The following CYP4A11 variants were observed in gnomAD, a reference collection of about 807,000 sequenced individuals.
CYP4A11 encodes cytochrome P450 family 4 subfamily A member 11.
In CYP4A11, 52 loss-of-function variants were observed where a neutral mutation model predicts 57.7. The observed-to-expected ratio is 0.90, with a 90% CI of 0.72 to 1.14. The LOEUF is 1.14. Ranked by LOEUF, CYP4A11 falls within the 50% of genes most tolerant of loss-of-function variation. CYP4A11 has a pLI of 0.00. For synonymous variants in CYP4A11, 228 were observed against 247.1 expected, an observed-to-expected ratio of 0.92 and a Z score of 0.72; for missense variants, 641 against 642.1, an observed-to-expected ratio of 1.00 and a Z score of 0.02.
chr1:46,941,396 C>G lies in CYP4A11; in HGVS notation c.38G>C (p.Gly13Ala). ...CGCTTGGAGGATTCCAGAGACATCACCCAGGAGTCTGCTGGGGCTCAGCAC... is the reference window on the plus strand; with the variant it reads ...CGCTTGGAGGATTCCAGAGACATCAGCCAGGAGTCTGCTGGGGCTCAGCAC... ...VSVLSPSRLL[G>A]DVSGILQAAS... The change falls in exon 1 of 12, where the codon GGT (glycine) becomes GCT (alanine). Residue 13 changes from glycine (G) to alanine (A), a missense_variant. Coordinates refer to ENST00000310638, the MANE Select transcript of CYP4A11 (RefSeq NM_000778.4). The G allele has an allele frequency of 1.2e-6, 2 of 1,614,174 alleles. No individual in the cohort carries two copies. The highest frequency in any genetic ancestry group is 1.7e-6 in the Non-Finnish European group (2 of 1,180,020).
chr1:46,929,464 G>A lies in CYP4A11; in HGVS notation c.*651C>T, dbSNP rs1346771654. On this transcript the variant is annotated 3_prime_UTR_variant, in exon 12 of 12. Transcript: ENST00000310638. ...TAAGGATGGAGGCTGTGAAGGCCCCGAGCTCTGGAAGTGCAGATTATTTAT... is the reference window on the plus strand; with the variant it reads ...TAAGGATGGAGGCTGTGAAGGCCCCAAGCTCTGGAAGTGCAGATTATTTAT... 4 of 149,122 alleles carry A rather than the reference G, an allele frequency of 2.7e-5. No individual in the cohort carries two copies. Among genetic ancestry groups the A allele is most frequent in the East Asian group, 2.0e-4 (1 of 5,092 alleles). 9.2% of individuals were successfully genotyped at this position (149,122 alleles called of 1,614,324 possible). A position where few individuals can be genotyped will look rare whatever the true frequency, so the allele number is the denominator to read the frequency against.
At chr1:46,932,368 G>A (rs1681080438) in intron 11 of CYP4A11, 3 of 1,102,648 alleles carry the variant, frequency 2.7e-6, no homozygotes, top group South Asian at 2.7e-5. Flanking sequence ...GGATGTGTGG[G>A]GGGAGAGAAA....
chr1:46,935,173 A>T lies in CYP4A11; in HGVS notation c.636-19T>A. 1 of 1,610,678 alleles carries T rather than the reference A, an allele frequency of 6.2e-7. No homozygotes were observed. Among genetic ancestry groups the T allele is most frequent in the Non-Finnish European group, 8.5e-7 (1 of 1,177,602 alleles). On this transcript the variant is annotated intron_variant, in intron 5 of 11. Coordinates refer to ENST00000310638, the MANE Select transcript of CYP4A11 (RefSeq NM_000778.4). ...AGAATTCCTGAGGGAGAGTATGAAG[A>T]AGGGACTGCAGTAGGGGTGGGCCCA...
rs1440588567 is a variant in CYP4A11, at chr1:46,933,022, A to G, written c.1248T>C (p.Tyr416=). 3.7e-6 allele frequency: 6 copies of G among 1,614,224 alleles called. No individual in the cohort carries two copies. The highest frequency in any genetic ancestry group is 1.6e-4 in the Middle Eastern group (1 of 6,062). ...ACACTTTTGGGTTGTGGTGAAGGCC[A>G]TAAATGGAGAGGAGGACCATGATAC... ...PKGIMVLLSI[Y]GLHHNPKVWP... The change falls in exon 10 of 12, where the codon TAT becomes TAC. Residue 416 remains tyrosine, a synonymous_variant. Coordinates refer to ENST00000310638, the MANE Select transcript of CYP4A11 (RefSeq NM_000778.4).
chr1:46,932,101 T>C (rs1272898034), intron 11 of CYP4A11: 18 of 981,400 alleles, frequency 1.8e-5, no homozygotes, highest in Non-Finnish European at 2.2e-5. Flanking sequence ...ACAGAATTTG[T>C]CAAACGGGAA....
rs551945063 is a variant in CYP4A11 at position 46,929,840 on chromosome 1, T to C, written c.*275A>G. 7 of 391,440 alleles carry C rather than the reference T, an allele frequency of 1.8e-5. No individual in the cohort carries two copies. In the East Asian group the frequency reaches 2.8e-4, roughly 16 times the overall value. 24.2% of individuals were successfully genotyped at this position (391,440 alleles called of 1,614,324 possible). On this transcript the variant is annotated 3_prime_UTR_variant, in exon 12 of 12. Coordinates refer to ENST00000310638, the MANE Select transcript of CYP4A11 (RefSeq NM_000778.4). ...TTTAGACCCTGGATCCTGGACATGA[T>C]CCAAGACTCTTTTACATTATGTCAG...
intron 11 of CYP4A11, 189 bp downstream of exon 11, chr1:46,932,572 G>T (rs1557548531): frequency 4.1e-6 from 6 of 1,478,530 alleles, no homozygotes; most frequent in East Asian, 2.4e-5. Flanking sequence ...TCTCCATGGG[G>T]TGCTCTGAAT....
chr1:46,930,008 C>G lies in CYP4A11; in HGVS notation c.*107G>C. ...GAAGGGCAGGCAGACTGGGGGACAG[C>G]AGGCAGGTGGGAAGAAGGGAAGGTG... On this transcript the variant is annotated 3_prime_UTR_variant, in exon 12 of 12. Transcript: ENST00000310638. The G allele has an allele frequency of 7.3e-7, 1 of 1,372,058 alleles. No homozygotes were observed. The highest frequency in any genetic ancestry group is 9.8e-7 in the Non-Finnish European group (1 of 1,022,568). The allele number at this position is 1,372,058 out of a possible 1,614,324, so 85.0% of individuals were successfully genotyped here. A position where few individuals can be genotyped will look rare whatever the true frequency, so the allele number is the denominator to read the frequency against.
chr1:46,932,302 A>G (rs940230430), intron 11 of CYP4A11: 2 of 1,018,664 alleles, frequency 2.0e-6, no homozygotes, highest in African/African-American at 3.4e-5. Context: ...GACTTCAATG[A>G]TTCATCTCTA....
chr1:46,932,462 A>G (rs1281281817), intron 11 of CYP4A11: 6 of 1,230,266 alleles, frequency 4.9e-6, no homozygotes, highest in Non-Finnish European at 5.1e-6. Context: ...TTGAGAATTC[A>G]TATCCTTAAA....
chr1:46,934,002 A>G lies in CYP4A11; in HGVS notation c.1166T>C (p.Ile389Thr), dbSNP rs1359618339. 5.0e-6 allele frequency: 8 copies of G among 1,613,916 alleles called. No homozygotes were observed. The highest frequency in any genetic ancestry group is 6.8e-6 in the Non-Finnish European group (8 of 1,180,004). The change falls in exon 9 of 12, where the codon ATT (isoleucine) becomes ACT (threonine). Residue 389 changes from isoleucine (I) to threonine (T), a missense_variant. Physicochemically the swap from Ile to Thr is moderately conservative, Grantham distance 89. Transcript: ENST00000310638. ...ALRLYPPVPGIGRELSTPVTF... is the reference protein window; with the variant it reads ...ALRLYPPVPGTGRELSTPVTF... ...GACGGGAGTGCTGAGCTCTCTGCCA[A>G]TGCCTGGCACCGGTGGGTAGAGCCT... is the stretch of plus-strand genomic sequence containing the variant.
chr1:46,931,640 G>A (rs376254750), intron 11 of CYP4A11: 78 of 678,722 alleles, frequency 1.1e-4, no homozygotes, highest in East Asian at 2.7e-4. Context: ...TAGTGGCAGC[G>A]ACATGATTTG....
At chr1:46,934,912 T>A in intron 6 of CYP4A11, 88 bp downstream of exon 6, 1 of 1,553,704 alleles carries the variant, frequency 6.4e-7, no homozygotes, top group Non-Finnish European at 8.7e-7. Context: ...TCTGCAGGGT[T>A]ACTAGGGGCC....
chr1:46,936,720 A>T lies in CYP4A11; in HGVS notation c.454T>A (p.Tyr152Asn), dbSNP rs925656596. The change falls in exon 4 of 12, where the codon TAT (tyrosine) becomes AAT (asparagine). Residue 152 changes from tyrosine to asparagine, a missense_variant. By Grantham distance (143) the Tyr-to-Asn change is moderately radical (BLOSUM62 -2). Coordinates refer to ENST00000310638, the MANE Select transcript of CYP4A11 (RefSeq NM_000778.4). ...CCCACATAGGGCTTCAGGATGTCAT[A>T]GTGGAAGGCTGGGGTCAGCATCCGT... ...HRRMLTPAFH[Y>N]DILKPYVGLM... 12 of 1,613,966 alleles carry T rather than the reference A, an allele frequency of 7.4e-6. No homozygotes were observed. Among genetic ancestry groups the T allele is most frequent in the Admixed American group, 1.7e-5 (1 of 59,992 alleles).
At chr1:46,931,739 C>T (rs1191228903) in intron 11 of CYP4A11, 6 of 657,908 alleles carry the variant, frequency 9.1e-6, no homozygotes, top group Non-Finnish European at 1.1e-5. Context: ...TTCTTAAAGC[C>T]TGTTCTGTGT....
chr1:46,932,655 G>T, intron 11 of CYP4A11, 106 bp downstream of exon 11: 1 of 1,598,784 alleles, frequency 6.3e-7, no homozygotes, highest in Non-Finnish European at 8.6e-7. Context: ...ACATTTAAGA[G>T]CACACCTGAA....
chr1:46,940,973 C>T, intron 1 of CYP4A11: 2 of 985,314 alleles, frequency 2.0e-6, no homozygotes, highest in Non-Finnish European at 1.2e-6. Flanking sequence ...CAGGCATTGC[C>T]CTCCACATGC....
Position 46,934,980 on chromosome 1 carries a change from A to T in CYP4A11, c.790+20T>A. The T allele has an allele frequency of 1.2e-6, 2 of 1,608,998 alleles. No homozygotes were observed. Among genetic ancestry groups the T allele is most frequent in the Non-Finnish European group, 1.7e-6 (2 of 1,176,776 alleles). On this transcript the variant is annotated intron_variant, in intron 6 of 11. Transcript: ENST00000310638. ...CGCTGTGCCTGGGAAAGGCTGGGAG[A>T]CAAGAGGAAAAGACAGAACCTGTGT...
In CYP4A11 at chr1:46,930,197, C is replaced by T. The variant is rs151272902; in HGVS notation, c.1478G>A (p.Arg493Gln). Residue 493 changes from arginine (R) to glutamine (Q), a missense_variant, in exon 12 of 12, where the codon CGA becomes CAA. Transcript: ENST00000310638. ...DPTRIPIPIA[R>Q]LVLKSKNGIH... ...TCCATTTTTGGATTTCAACACAAGT[C>T]GTGCAATGGGGATGGGGATCCTGGT... 18 of 1,613,948 alleles carry T rather than the reference C, an allele frequency of 1.1e-5. No homozygotes were observed. Among genetic ancestry groups the T allele is most frequent in the Admixed American group, 1.7e-5 (1 of 60,006 alleles).
Sources: gnomAD v4.1 joint callset for allele counts on GRCh38, gnomAD v4.1.1 for gene constraint, MANE v1.5 for transcripts, NCBI Gene and HGNC (gene_info 2026-07-23, HGNC 2026-07-21) for gene names.